RAD54L2: variants seen among roughly 807,000 people sequenced by gnomAD.
RAD54L2 encodes RAD54 like 2, also known as helicase ARIP4.
In RAD54L2, 27 loss-of-function variants were observed where a neutral mutation model predicts 138.4. The observed-to-expected ratio is 0.20, with a 90% CI of 0.14 to 0.27. The LOEUF (loss-of-function observed/expected upper bound fraction) is 0.27, where lower values mean the gene tolerates loss of function less well. RAD54L2 is among the 10% of genes least tolerant of loss of function. RAD54L2 has a pLI of 1.00. For synonymous variants in RAD54L2, 644 were observed against 723.2 expected (o/e 0.89, Z 1.76); for missense variants, 1,396 against 1,890.2 (o/e 0.74, Z 4.85).
chr3:51,546,105 A>AT (rs1176348946), intron 2 of RAD54L2, among the ~76,000 whole-genome samples: 1 of 150,982 alleles, frequency 6.6e-6, no homozygotes, highest in Non-Finnish European at 1.5e-5. Context: ...CACCTGGCTA[A>AT]TTTTTGTATT....
At chr3:51,635,565 C>T (rs1182432434) in intron 9 of RAD54L2, 28 bp from the exon 10 acceptor site, 17 of 1,573,704 alleles carry the variant, frequency 1.1e-5, no homozygotes, top group Non-Finnish European at 1.5e-5. Context: ...ATTCACATCT[C>T]ACACAATTTT....
At chr3:51,633,289 G>A (rs920276708) in intron 7 of RAD54L2, among the ~76,000 whole-genome samples, 21 of 152,152 alleles carry the variant, frequency 1.4e-4, no homozygotes, top group Non-Finnish European at 2.9e-4. Context: ...TTCCAATGCT[G>A]AGGGAAGCCA....
At chr3:51,600,661 T>C (rs1017329115) in intron 3 of RAD54L2, among the ~76,000 whole-genome samples, 10 of 152,058 alleles carry the variant, frequency 6.6e-5, no homozygotes, top group Non-Finnish European at 1.0e-4. Context: ...TTGTTTGTAA[T>C]GAAACTATTT....
intron 2 of RAD54L2, among the ~76,000 whole-genome samples, chr3:51,579,051 G>A (rs909413330): frequency 2.6e-5 from 4 of 152,018 alleles, no homozygotes; most frequent in African/African-American, 7.2e-5. Context: ...ACTCCTCTCC[G>A]AAGCTACACC....
At chr3:51,538,948 C>T (rs1473150969) in intron 1 of RAD54L2, among the ~76,000 whole-genome samples, 33 bp downstream of exon 1, 7 of 152,192 alleles carry the variant, frequency 4.6e-5, no homozygotes, top group African/African-American at 1.7e-4. Flanking sequence ...TCGCTCCCGG[C>T]CGGGGCCGCC....
At chr3:51,588,259 G>A (rs949153430) in intron 2 of RAD54L2, among the ~76,000 whole-genome samples, 1 of 150,734 alleles carries the variant, frequency 6.6e-6, no homozygotes, top group African/African-American at 2.4e-5. Flanking sequence ...TTGAGGCTGG[G>A]CACAGTGGCT....
Position 51,630,568 on chromosome 3 carries a change from G to T in RAD54L2, c.599-137G>T, listed in dbSNP as rs527422609. 5.0e-6 allele frequency: 5 copies of T among 991,672 alleles called. No individual in the cohort carries two copies. In the East Asian group the frequency reaches 1.3e-4, roughly 26 times the overall value. 61.4% of individuals were successfully genotyped at this position (991,672 alleles called of 1,614,324 possible). A position where few individuals can be genotyped will look rare whatever the true frequency, so the allele number is the denominator to read the frequency against. On this transcript the variant is annotated intron_variant, in intron 6 of 22. Transcript: ENST00000684192. ...TGTCTTAACTTGAAGCTGAAAGAGA[G>T]AAATAGTAAAAGTCAAAATTTTAAT...
At position 51,667,253 on chromosome 3, in the gene RAD54L2, C is replaced by T. The variant is rs1701930201; in HGVS notation, c.*3833C>T. ...TGATCTTGGCTCCGTGCAACCTCCA[C>T]TCCCGGTTTCAAGCGATCCTCCTGC... On this transcript the variant is annotated 3_prime_UTR_variant, in exon 23 of 23. Transcript: ENST00000684192. The T allele has an allele frequency of 6.6e-6, 1 of 151,942 alleles. No homozygotes were observed. Among genetic ancestry groups the T allele is most frequent in the South Asian group, 2.1e-4 (1 of 4,818 alleles). 9.4% of individuals were successfully genotyped at this position (151,942 alleles called of 1,614,324 possible).
chr3:51,552,553 C>T (rs942641334), intron 2 of RAD54L2, among the ~76,000 whole-genome samples: 31 of 141,932 alleles, frequency 2.2e-4, no homozygotes, highest in Middle Eastern at 4.0e-3. Context: ...TGAGCCACTG[C>T]GCCTGGCCTT....
intron 8 of RAD54L2, 41 bp downstream of exon 8, chr3:51,633,800 A>G (rs1327275645): frequency 6.2e-7 from 1 of 1,610,960 alleles, no homozygotes; most frequent in Non-Finnish European, 8.5e-7. Flanking sequence ...TCACTCCTGA[A>G]GAGCTCTGTG....
intron 6 of RAD54L2, 50 bp downstream of exon 6, chr3:51,630,438 G>A: frequency 6.6e-7 from 1 of 1,517,478 alleles, no homozygotes; most frequent in Non-Finnish European, 9.1e-7. Flanking sequence ...TGTTCATGCT[G>A]AGATCGGCTA....
At chr3:51,568,426 A>G (rs989162357) in intron 2 of RAD54L2, among the ~76,000 whole-genome samples, 4 of 152,222 alleles carry the variant, frequency 2.6e-5, no homozygotes, top group Non-Finnish European at 5.9e-5. Context: ...TGTTGATTGA[A>G]TAACCAGAAG....
At chr3:51,581,459 G>A (rs1699607063) in intron 2 of RAD54L2, among the ~76,000 whole-genome samples, 1 of 152,192 alleles carries the variant, frequency 6.6e-6, no homozygotes, top group Non-Finnish European at 1.5e-5. Context: ...TTGATTTGTT[G>A]AAATGCTACT....
chr3:51,576,621 T>C (rs1699487384), intron 2 of RAD54L2, among the ~76,000 whole-genome samples: 1 of 152,182 alleles, frequency 6.6e-6, no homozygotes, highest in South Asian at 2.1e-4. Context: ...CTAGATTTTC[T>C]AGTTTATTTG....
In RAD54L2 at chr3:51,613,981, G is replaced by A. The variant is rs1005515782; in HGVS notation, c.140-13572G>A. 2.0e-5 allele frequency among the ~76,000 whole-genome samples: 3 copies of A among 152,246 alleles called. 1 individual carries two copies. Among genetic ancestry groups the A allele is most frequent in the Non-Finnish European group, 4.4e-5 (3 of 68,026 alleles). ...ATAGAGGTCAGGGATGCTGCTAAAC[G>A]TCCTACAGCATGAGGATAGCTTCTC... On this transcript the variant is annotated intron_variant, in intron 3 of 22. Transcript: ENST00000684192.
intron 3 of RAD54L2, among the ~76,000 whole-genome samples, chr3:51,599,887 G>A (rs1700044593): frequency 6.6e-6 from 1 of 151,870 alleles, no homozygotes; most frequent in Admixed American, 6.6e-5. Flanking sequence ...TAAAGTGATG[G>A]GATTACAGGC....
intron 5 of RAD54L2, 85 bp downstream of exon 5, chr3:51,629,558 A>G: frequency 6.6e-7 from 1 of 1,520,170 alleles, no homozygotes; most frequent in East Asian, 2.4e-5. Flanking sequence ...GCAGATCTGG[A>G]ATAAGACTGT....
intron 3 of RAD54L2, among the ~76,000 whole-genome samples, chr3:51,600,676 CTA>C (rs954364053): frequency 6.6e-6 from 1 of 151,964 alleles, no homozygotes; most frequent in African/African-American, 2.4e-5. Flanking sequence ...CTATTTGAAA[CTA>C]TTTTGAGGCT....
intron 3 of RAD54L2, among the ~76,000 whole-genome samples, chr3:51,622,359 GC>G (rs1700584965): frequency 6.6e-6 from 1 of 152,030 alleles, no homozygotes; most frequent in African/African-American, 2.4e-5. Flanking sequence ...TCTTTGGGAG[GC>G]TTTTTGTAAT....
Sources: allele counts gnomAD v4.1 joint callset (sites outside exome capture counted in the v4.1 genomes callset), GRCh38; gene constraint gnomAD v4.1.1; transcripts MANE v1.5; gene names NCBI Gene and HGNC (gene_info 2026-07-23, HGNC 2026-07-21).